ENG: variants seen among roughly 807,000 people sequenced by gnomAD.
ENG encodes CD105 antigen.
ENG carries 17 observed loss-of-function variants against 71.0 expected under a neutral mutation model. The ratio of observed to expected loss-of-function variants is 0.24; its 90% CI spans 0.16 to 0.36. The LOEUF (loss-of-function observed/expected upper bound fraction) is 0.36. Among genes scored for constraint, ENG ranks in the 10% least tolerant of loss-of-function variants. The probability of loss-of-function intolerance (pLI) is 1.00; values close to 1 mark genes in which losing one functional copy is unlikely to be tolerated. For missense variants in ENG, 749 were observed against 868.3 expected, an observed-to-expected ratio of 0.86 and a Z score of 1.73; for synonymous variants, 360 against 366.9, an observed-to-expected ratio of 0.98 and a Z score of 0.21.
At chr9:127,844,909 G>C (rs1244290246) in intron 1 of ENG, among the ~76,000 whole-genome samples, 1 of 152,216 alleles carries the variant, frequency 6.6e-6, no homozygotes, top group Non-Finnish European at 1.5e-5. Context: ...AAGGGACAGG[G>C]CGAGCCGAGA....
intron 3 of ENG, 98 bp downstream of exon 3, chr9:127,829,589 C>T (rs1830708941): frequency 6.6e-7 from 1 of 1,508,642 alleles, no homozygotes; most frequent in South Asian, 1.2e-5. Flanking sequence ...AGAAGCAGGG[C>T]TGGGCCGCTG....
rs200772068 is a variant in ENG at position 127,843,254 on chromosome 9, G to C, written c.68-9C>G. 2.8e-5 allele frequency: 45 copies of C among 1,614,144 alleles called. No homozygotes were observed. The East Asian group carries it at 3.8e-4, about 14-fold the overall frequency. On this transcript the variant is annotated splice_polypyrimidine_tract_variant and intron_variant, in intron 1 of 14. Coordinates refer to ENST00000373203, the MANE Select transcript of ENG (RefSeq NM_001114753.3). ...GACTGTTTCTGCAAGACCTGTTGGA[G>C]AAACATCCGGAAAGAGGCCAGGTGA...
At chr9:127,824,208 GC>G in intron 8 of ENG, 95 bp downstream of exon 8, 3 of 1,575,272 alleles carry the variant, frequency 1.9e-6, no homozygotes, top group Non-Finnish European at 1.7e-6. Context: ...GACGTGACTT[GC>G]CCCCCTGCCT....
intron 3 of ENG, chr9:127,827,162 C>G (rs1830638974): frequency 6.4e-6 from 1 of 156,948 alleles, no homozygotes; most frequent in Admixed American, 6.1e-5. Context: ...ACCCTGACAC[C>G]CAGCATGTGA....
rs1160650106 is a variant in ENG at position 127,838,895 on chromosome 9, C to G, written c.219+4199G>C. Among the ~76,000 whole-genome samples, 1 of 152,172 alleles carries G rather than the reference C, an allele frequency of 6.6e-6. No individual in the cohort carries two copies. Among genetic ancestry groups the G allele is most frequent in the Non-Finnish European group, 1.5e-5 (1 of 68,028 alleles). Reference sequence around the variant, plus strand: ...AAGGCTCTCGGCTGCCACCGCCCATCTACCACCCACCCACAGGAAATCTGA... The same window carrying G: ...AAGGCTCTCGGCTGCCACCGCCCATGTACCACCCACCCACAGGAAATCTGA... On this transcript the variant is annotated intron_variant, in intron 2 of 14. Coordinates refer to ENST00000373203, the MANE Select transcript of ENG (RefSeq NM_001114753.3). The surrounding 1 kb of genome is among the most constrained non-coding windows in gnomAD (Gnocchi z 4.3).
At chr9:127,840,130 T>C (rs58062026) in intron 2 of ENG, among the ~76,000 whole-genome samples, 1 of 152,184 alleles carries the variant, frequency 6.6e-6, no homozygotes, top group Admixed American at 6.5e-5. Flanking sequence ...AGGTTTCCCG[T>C]GGGAAAATCA....
At chr9:127,818,672 TC>T (rs1243504850) in intron 11 of ENG, 43 bp downstream of exon 11, 21 of 1,594,156 alleles carry the variant, frequency 1.3e-5, no homozygotes, top group Non-Finnish European at 1.8e-5. Flanking sequence ...GAGAGGAAGT[TC>T]CAGGAGCTGG....
chr9:127,848,048 G>T (rs1242064679), intron 1 of ENG, among the ~76,000 whole-genome samples: 5 of 152,142 alleles, frequency 3.3e-5, no homozygotes, highest in African/African-American at 1.2e-4. Flanking sequence ...CTGTAACATG[G>T]GGATGAGGGT....
In ENG at chr9:127,817,131, G is replaced by A; in HGVS notation, c.1741+18C>T. ...CTCAGCCACTAGAACAAACCCGAGAGACCTGGAGGGAGCTCACCAGACAGG... is the reference window on the plus strand; with the variant it reads ...CTCAGCCACTAGAACAAACCCGAGAAACCTGGAGGGAGCTCACCAGACAGG... On this transcript the variant is annotated intron_variant, in intron 13 of 14. Coordinates refer to ENST00000373203, the MANE Select transcript of ENG (RefSeq NM_001114753.3). The A allele has an allele frequency of 6.2e-7, 1 of 1,614,134 alleles. No individual in the cohort carries two copies. Among genetic ancestry groups the A allele is most frequent in the South Asian group, 1.1e-5 (1 of 91,086 alleles).
chr9:127,822,173 C>A (rs1020412917), intron 8 of ENG, among the ~76,000 whole-genome samples: 2 of 152,260 alleles, frequency 1.3e-5, no homozygotes, highest in Admixed American at 1.3e-4. Flanking sequence ...TAAAAATCAT[C>A]AAGAAAAATA....
intron 2 of ENG, among the ~76,000 whole-genome samples, chr9:127,835,537 A>G (rs1243126678): frequency 1.3e-5 from 2 of 152,168 alleles, no homozygotes; most frequent in African/African-American, 4.8e-5. Flanking sequence ...CCTGTGGTGC[A>G]TGAGGACATC....
intron 2 of ENG, among the ~76,000 whole-genome samples, chr9:127,835,696 C>T (rs146429592): frequency 6.6e-6 from 1 of 152,256 alleles, no homozygotes; most frequent in East Asian, 1.9e-4. Flanking sequence ...TCCTCTATGC[C>T]TCAGTTTCCT....
chr9:127,832,499 C>T (rs1830789532), intron 2 of ENG: 1 of 150,212 alleles, frequency 6.7e-6, no homozygotes, highest in African/African-American at 2.4e-5. Flanking sequence ...TGTGCTCTCA[C>T]ATTTTTCTTT....
In ENG at chr9:127,835,605, A is replaced by G. The variant is rs373158385; in HGVS notation, c.220-5778T>C. Among the ~76,000 whole-genome samples the G allele has an allele frequency of 5.3e-5, 8 of 152,304 alleles. No individual in the cohort carries two copies. In the South Asian group the frequency reaches 1.5e-3, roughly 28 times the overall value. ...AAGCATGCTGCAGAAGCCAGAGTGC[A>G]GTCTGGTGGCCAAGCCCTGAGTGGG... On this transcript the variant is annotated intron_variant, in intron 2 of 14. Coordinates refer to ENST00000373203, the MANE Select transcript of ENG (RefSeq NM_001114753.3).
chr9:127,825,995 C>A, intron 4 of ENG, 135 bp from the exon 5 acceptor site: 3 of 1,219,178 alleles, frequency 2.5e-6, no homozygotes, highest in Non-Finnish European at 1.2e-6. Context: ...GTCAGAGGAC[C>A]TAGGTTCGAA....
rs1169613826 is a variant in ENG at position 127,824,970 on chromosome 9, G to A, written c.821C>T (p.Thr274Ile). The stretch of plus-strand genomic sequence containing the variant: ...AAAGATCTTGAAGGAGTATTCTCCA[G>A]TGGTCTAATGGTGGGGAGAGAGGCA... ...DANHNMQIWT[T>I]GEYSFKIFPE... is the part of the protein sequence containing the mutation. Residue 274 changes from threonine (T) to isoleucine (I), a missense_variant, in exon 7 of 15, where the codon ACT becomes ATT. By Grantham distance (89) the Thr-to-Ile change is moderately conservative. Transcript: ENST00000373203. The A allele has an allele frequency of 6.2e-7, 1 of 1,613,108 alleles. No individual in the cohort carries two copies.
intron 1 of ENG, among the ~76,000 whole-genome samples, chr9:127,853,380 G>T (rs1829078214): frequency 6.6e-6 from 1 of 152,194 alleles, no homozygotes; most frequent in Non-Finnish European, 1.5e-5. Context: ...TGCACAGGTG[G>T]GTCAAAGGAT....
In ENG at chr9:127,825,346, A is replaced by ACCGTCC; in HGVS notation, c.695_700dup (p.Thr233_Val234insGlyThr). 6.2e-7 allele frequency: 1 copy of ACCGTCC among 1,609,430 alleles called. No homozygotes were observed. The highest frequency in any genetic ancestry group is 8.5e-7 in the Non-Finnish European group (1 of 1,179,376). On this transcript the variant is annotated inframe_insertion, in exon 6 of 15. Transcript: ENST00000373203. ...GCAGCTCAGTTCCACCTTCACCGTCACCGTCCGGGGCCTGCGGGGAGACAG... is the reference window on the plus strand; with the variant it reads ...GCAGCTCAGTTCCACCTTCACCGTCACCGTCCCCGTCCGGGGCCTGCGGGGAGACAG...
At chr9:127,851,323 G>A (rs1282219528) in intron 1 of ENG, among the ~76,000 whole-genome samples, 2 of 151,878 alleles carry the variant, frequency 1.3e-5, no homozygotes, top group Non-Finnish European at 2.9e-5. Context: ...AGGGTCAAGC[G>A]ATTCTCCTGC....
Sources: gnomAD v4.1 joint callset for allele counts (sites outside exome capture counted in the v4.1 genomes callset) on GRCh38, gnomAD v4.1.1 for gene constraint, Gnocchi (gnomAD v3.1) non-coding constraint, MANE v1.5 for transcripts, NCBI Gene and HGNC (gene_info 2026-07-23, HGNC 2026-07-21) for gene names.